Variants in AFAP1L2 observed in about 807,000 individuals in gnomAD.
AFAP1L2 encodes the protein actin filament-associated protein 1-like 2.
AFAP1L2 carries 46 observed loss-of-function variants against 99.3 expected under a neutral mutation model. The observed-to-expected ratio is 0.46, with a 90% CI of 0.37 to 0.59. The LOEUF is 0.59. Among genes scored for constraint, AFAP1L2 ranks in the 20% least tolerant of loss-of-function variants. The probability of loss-of-function intolerance (pLI) is 0.00; values close to 1 mark genes in which losing one functional copy is unlikely to be tolerated. For synonymous variants in AFAP1L2, 397 were observed against 419.1 expected, an observed-to-expected ratio of 0.95 and a Z score of 0.64; for missense variants, 959 against 1,034.9, an observed-to-expected ratio of 0.93 and a Z score of 1.01.
Position 114,295,599 on chromosome 10 carries a change from C to T in AFAP1L2, c.*443G>A. ...GCAAGGATGGTTTAATCCCCAACTG[C>T]TAAGTATTGGATAAGAGATGATGGC... On this transcript the variant is annotated 3_prime_UTR_variant, in exon 19 of 19. Coordinates refer to ENST00000304129, the MANE Select transcript of AFAP1L2 (RefSeq NM_001001936.3). 1 of 989,602 alleles carries T rather than the reference C, an allele frequency of 1.0e-6. No individual in the cohort carries two copies. The highest frequency in any genetic ancestry group is 1.2e-6 in the Non-Finnish European group (1 of 832,782). The allele number at this position is 989,602 out of a possible 1,614,324, so 61.3% of individuals were successfully genotyped here. A position where few individuals can be genotyped will look rare whatever the true frequency, so the allele number is the denominator to read the frequency against.
intron 1 of AFAP1L2, among the ~76,000 whole-genome samples, chr10:114,372,973 T>C (rs1475020699): frequency 1.3e-5 from 2 of 152,236 alleles, no homozygotes; most frequent in African/African-American, 2.4e-5. Context: ...ACCAGCTACG[T>C]GGTATTCCAT....
chr10:114,286,208 G>A, the AFAP1L2 span: 17 of 1,613,858 alleles, frequency 1.1e-5, no homozygotes, highest in South Asian at 6.6e-5. Flanking sequence ...CACCCTGACG[G>A]GCAGTGCCTT....
At chr10:114,344,027 T>A (rs1420025872) in intron 1 of AFAP1L2, among the ~76,000 whole-genome samples, 1 of 152,146 alleles carries the variant, frequency 6.6e-6, no homozygotes, top group African/African-American at 2.4e-5. Flanking sequence ...TTGCCTGAGA[T>A]AAAGTGAGGA....
At chr10:114,323,911 G>A (rs1381283937) in intron 4 of AFAP1L2, among the ~76,000 whole-genome samples, 3 of 152,158 alleles carry the variant, frequency 2.0e-5, no homozygotes, top group African/African-American at 7.2e-5. Flanking sequence ...ACCACAGGAG[G>A]GTGTGAGGAA....
intron 9 of AFAP1L2, among the ~76,000 whole-genome samples, 173 bp from the exon 10 acceptor site, chr10:114,308,082 G>A (rs1427517309): frequency 6.6e-6 from 1 of 152,134 alleles, no homozygotes; most frequent in Non-Finnish European, 1.5e-5. Flanking sequence ...ACCAGGACCT[G>A]CAGGCCACAG....
chr10:114,349,978 A>G (rs1170101525), intron 1 of AFAP1L2, among the ~76,000 whole-genome samples: 5 of 152,066 alleles, frequency 3.3e-5, no homozygotes, highest in Admixed American at 2.6e-4. Context: ...CACCCTCCAC[A>G]TTCCCAGATT....
chr10:114,309,499 G>T (rs2042895348), intron 8 of AFAP1L2, among the ~76,000 whole-genome samples: 1 of 152,192 alleles, frequency 6.6e-6, no homozygotes, highest in South Asian at 2.1e-4. Context: ...TTCTATGTGT[G>T]CCCACGCTTC....
At chr10:114,387,224 T>C (rs1308084168) in intron 1 of AFAP1L2, among the ~76,000 whole-genome samples, 1 of 152,218 alleles carries the variant, frequency 6.6e-6, no homozygotes, top group Non-Finnish European at 1.5e-5. Flanking sequence ...GTTCAGTGAT[T>C]TCCAGTTTTC....
chr10:114,311,273 C>T (rs1401726882), intron 7 of AFAP1L2, among the ~76,000 whole-genome samples: 1 of 152,166 alleles, frequency 6.6e-6, no homozygotes, highest in East Asian at 1.9e-4. Context: ...GAGCCAGGGG[C>T]ACTCCCTTCT....
intron 7 of AFAP1L2, among the ~76,000 whole-genome samples, chr10:114,310,962 C>CACCT (rs60952702): frequency 7.0e-6 from 1 of 143,182 alleles, no homozygotes; most frequent in East Asian, 2.3e-4. Context: ...GCCACCCACC[C>CACCT]GCCCGCCCGC....
chr10:114,287,515 G>T, the AFAP1L2 span, among the ~76,000 whole-genome samples: 1 of 152,044 alleles, frequency 6.6e-6, no homozygotes, highest in Non-Finnish European at 1.5e-5. Flanking sequence ...TTGGTAGGTG[G>T]GCATGGGAAG....
chr10:114,302,384 G>C lies in AFAP1L2; in HGVS notation c.1385C>G (p.Ala462Gly). 2 of 1,614,156 alleles carry C rather than the reference G, an allele frequency of 1.2e-6. No homozygotes were observed. The highest frequency in any genetic ancestry group is 1.7e-6 in the Non-Finnish European group (2 of 1,180,032). Residue 462 changes from alanine (A) to glycine (G), a missense_variant, in exon 12 of 19, where the codon GCC (alanine) becomes GGC (glycine). Transcript: ENST00000304129. ...ACTCACAATACAGGAGACCCTATCG[G>C]CATCCACATAGTCGTAGGTGAACTC... ...PEEFTYDYVD[A>G]DRVSCIVSAA...
At chr10:114,298,925 A>G (rs1028353167) in intron 16 of AFAP1L2, among the ~76,000 whole-genome samples, 10 of 152,242 alleles carry the variant, frequency 6.6e-5, no homozygotes, top group Admixed American at 2.0e-4. Flanking sequence ...CTGCAGTGCC[A>G]GGTCCTCAAA....
intron 4 of AFAP1L2, among the ~76,000 whole-genome samples, chr10:114,327,147 T>TTATATTTATATA (rs1554902751): frequency 3.3e-4 from 18 of 54,568 alleles, no homozygotes; most frequent in South Asian, 6.3e-4. Context: ...TTATATATAT[T>TTATATTTATATA]TATATATATA....
At chr10:114,384,390 G>A (rs536662109) in intron 1 of AFAP1L2, among the ~76,000 whole-genome samples, 1 of 152,018 alleles carries the variant, frequency 6.6e-6, no homozygotes, top group East Asian at 1.9e-4. Flanking sequence ...TCTGAGAAGG[G>A]CCATTGTTCC....
At chr10:114,345,973 T>C (rs2049498433) in intron 1 of AFAP1L2, among the ~76,000 whole-genome samples, 1 of 151,988 alleles carries the variant, frequency 6.6e-6, no homozygotes, top group African/African-American at 2.4e-5. Context: ...TCAGACACCG[T>C]GGTGAACCAG....
the AFAP1L2 span, among the ~76,000 whole-genome samples, chr10:114,288,274 C>T: frequency 6.6e-6 from 1 of 152,176 alleles, no homozygotes; most frequent in Non-Finnish European, 1.5e-5. Context: ...TGGTCTCTCT[C>T]GAAGTCCCCT....
intron 11 of AFAP1L2, among the ~76,000 whole-genome samples, chr10:114,304,030 T>C (rs1405566553): frequency 6.6e-6 from 1 of 152,228 alleles, no homozygotes; most frequent in African/African-American, 2.4e-5. Context: ...GCTGAGAAGA[T>C]GTCTGTTGAT....
At chr10:114,340,550 CA>C (rs2135907238) in intron 2 of AFAP1L2, 52 bp downstream of exon 2, 2 of 1,575,432 alleles carry the variant, frequency 1.3e-6, no homozygotes, top group African/African-American at 2.7e-5. Context: ...CACTGACTCA[CA>C]ACCATCTCTT....
Sources: allele counts gnomAD v4.1 joint callset (sites outside exome capture counted in the v4.1 genomes callset), GRCh38; gene constraint gnomAD v4.1.1; transcripts MANE v1.5; gene names NCBI Gene and HGNC (gene_info 2026-07-23, HGNC 2026-07-21).